The following C22orf39 variants were observed in gnomAD, a reference collection of about 807,000 sequenced individuals.
C22orf39 encodes chromosome 22 open reading frame 39.
C22orf39 carries 20 observed loss-of-function variants against 18.3 expected under a neutral mutation model. The ratio of observed to expected loss-of-function variants is 1.09; its 90% confidence interval spans 0.77 to 1.59. C22orf39 has a LOEUF of 1.59. Among genes scored for constraint, C22orf39 ranks in the 40% most tolerant of loss-of-function variants. The pLI, the probability that C22orf39 is intolerant of heterozygous loss-of-function variation, is 0.00. For synonymous variants in C22orf39, 63 were observed against 59.6 expected (o/e 1.06, Z -0.26); for missense variants, 195 against 156.1 (o/e 1.25, Z -1.33).
chr22:19,445,926 G>A (rs1391976366), intron 2 of C22orf39, among the ~76,000 whole-genome samples: 1 of 151,990 alleles, frequency 6.6e-6, no homozygotes, highest in Non-Finnish European at 1.5e-5. Context: ...TGCCCACCTC[G>A]GCCTCCCAAA....
intron 2 of C22orf39, among the ~76,000 whole-genome samples, chr22:19,446,682 G>C (rs550319112): frequency 6.6e-6 from 1 of 152,296 alleles, no homozygotes; most frequent in East Asian, 1.9e-4. Flanking sequence ...CTAGCAAACA[G>C]ATTGAACTTC....
rs1364025444 is a variant in C22orf39 at position 19,447,516 on chromosome 22, G to C, written c.54C>G (p.Ala18=). Residue 18 remains alanine, a synonymous_variant, in exon 2 of 3, where the codon GCC becomes GCG. Coordinates refer to ENST00000399562, the MANE Select transcript of C22orf39 (RefSeq NM_173793.5). ...TGGCGCTGCGGCAGAGCTTCCACTC[G>C]GCGCGGTAGGCCTCGCAGGGGCGCG... ...QPPRPCEAYR[A]EWKLCRSARH... The C allele has an allele frequency of 6.7e-7, 1 of 1,482,942 alleles. No homozygotes were observed. Among genetic ancestry groups the C allele is most frequent in the South Asian group, 1.3e-5 (1 of 76,510 alleles). 91.9% of individuals were successfully genotyped at this position (1,482,942 alleles called of 1,614,324 possible). A position where few individuals can be genotyped will look rare whatever the true frequency, so the allele number is the denominator to read the frequency against.
At chr22:19,444,518 G>A (rs972673068) in intron 2 of C22orf39, 128 bp from the exon 3 acceptor site, 7 of 899,308 alleles carry the variant, frequency 7.8e-6, no homozygotes, top group Non-Finnish European at 1.1e-5. Context: ...CCACTCTGCA[G>A]CACAGCTGCT....
chr22:19,447,013 G>A (rs898711183), intron 2 of C22orf39, among the ~76,000 whole-genome samples: 11 of 152,098 alleles, frequency 7.2e-5, no homozygotes, highest in Non-Finnish European at 1.5e-4. Flanking sequence ...CAGGAACCCA[G>A]GCCTTATCTG....
rs763145981 is a variant in C22orf39 at position 19,444,436 on chromosome 22, C to G, written c.193-46G>C. ...TCACTCCCCAGGCTCTGAGCACCCTCAAGACCCCTGTACCTCCCCCCTCTC... is the reference window on the plus strand; with the variant it reads ...TCACTCCCCAGGCTCTGAGCACCCTGAAGACCCCTGTACCTCCCCCCTCTC... On this transcript the variant is annotated intron_variant, in intron 2 of 2. Coordinates refer to ENST00000399562, the MANE Select transcript of C22orf39 (RefSeq NM_173793.5). 12 of 1,574,618 alleles carry G rather than the reference C, an allele frequency of 7.6e-6. No individual in the cohort carries two copies. The East Asian group carries it at 1.2e-4, about 15-fold the overall frequency.
intron 2 of C22orf39, among the ~76,000 whole-genome samples, chr22:19,445,971 G>C (rs1569322684): frequency 6.6e-6 from 1 of 152,076 alleles, no homozygotes; most frequent in Non-Finnish European, 1.5e-5. Flanking sequence ...ACCATGCCCA[G>C]GCTTTTCTCC....
chr22:19,443,046 A>T lies in C22orf39; in HGVS notation c.*1219T>A. ...GATGGGGGAACGCTGGCTCCTCTTT[A>T]GATGCTCCTGCTCTTGGGATCCCGT... On this transcript the variant is annotated 3_prime_UTR_variant, in exon 3 of 3. Coordinates refer to ENST00000399562, the MANE Select transcript of C22orf39 (RefSeq NM_173793.5). The T allele has an allele frequency of 1.2e-6, 1 of 805,682 alleles. No homozygotes were observed. The highest frequency in any genetic ancestry group is 1.5e-6 in the Non-Finnish European group (1 of 666,468). 49.9% of individuals were successfully genotyped at this position (805,682 alleles called of 1,614,324 possible). A position where few individuals can be genotyped will look rare whatever the true frequency, so the allele number is the denominator to read the frequency against.
Position 19,441,317 on chromosome 22 carries a change from T to G in C22orf39, c.*2948A>C, listed in dbSNP as rs767609103. ...TCCTGCTACATGTATGTTTTCAAGA[T>G]TGGCTGTTTTTGCTCTGAAGAATTT... is the stretch of plus-strand genomic sequence containing the variant. On this transcript the variant is annotated 3_prime_UTR_variant, in exon 3 of 3. Coordinates refer to ENST00000399562, the MANE Select transcript of C22orf39 (RefSeq NM_173793.5). The G allele has an allele frequency of 2.4e-4, 64 of 265,872 alleles. No homozygotes were observed. Among genetic ancestry groups the G allele is most frequent in the Non-Finnish European group, 1.4e-4 (20 of 142,638 alleles). The allele number at this position is 265,872 out of a possible 1,614,324, so 16.5% of individuals were successfully genotyped here.
At chr22:19,444,790 G>A (rs565912133) in intron 2 of C22orf39, among the ~76,000 whole-genome samples, 1 of 152,158 alleles carries the variant, frequency 6.6e-6, no homozygotes, top group South Asian at 2.1e-4. Context: ...GGGAGCTGCA[G>A]GGAGGAGTGT....
In C22orf39 at chr22:19,446,229, C is replaced by G. The variant is rs565308525; in HGVS notation, c.192+1149G>C. ...TATAACAGCTCTTTATACACACACA[C>G]GCACATATATATACATTAAAGTTAT... On this transcript the variant is annotated intron_variant, in intron 2 of 2. Coordinates refer to ENST00000399562, the MANE Select transcript of C22orf39 (RefSeq NM_173793.5). Among the ~76,000 whole-genome samples the G allele has an allele frequency of 2.0e-5, 3 of 152,260 alleles. No individual in the cohort carries two copies. In the South Asian group the frequency reaches 6.2e-4, roughly 32 times the overall value.
At position 19,441,858 on chromosome 22, in the gene C22orf39, A is replaced by G; in HGVS notation, c.*2407T>C. On this transcript the variant is annotated 3_prime_UTR_variant, in exon 3 of 3. Coordinates refer to ENST00000399562, the MANE Select transcript of C22orf39 (RefSeq NM_173793.5). The stretch of plus-strand genomic sequence containing the variant: ...CCCAGGTTGAAGTGCAGTGGGGCAC[A>G]ATCATGGCTCACTGCAGCCTCAAAC... 3.6e-6 allele frequency: 3 copies of G among 841,244 alleles called. No individual in the cohort carries two copies. Among genetic ancestry groups the G allele is most frequent in the Non-Finnish European group, 5.3e-6 (3 of 565,668 alleles). The allele number at this position is 841,244 out of a possible 1,614,324, so 52.1% of individuals were successfully genotyped here. A position where few individuals can be genotyped will look rare whatever the true frequency, so the allele number is the denominator to read the frequency against.
At position 19,443,830 on chromosome 22, in the gene C22orf39, G is replaced by A. The variant is rs772409105; in HGVS notation, c.*435C>T. 3.7e-5 allele frequency: 36 copies of A among 985,920 alleles called. No homozygotes were observed. Among genetic ancestry groups the A allele is most frequent in the Admixed American group, 6.2e-5 (1 of 16,170 alleles). The allele number at this position is 985,920 out of a possible 1,614,324, so 61.1% of individuals were successfully genotyped here. A position where few individuals can be genotyped will look rare whatever the true frequency, so the allele number is the denominator to read the frequency against. ...GCTCACCAAACCTGGGACGTGGCAG[G>A]CAGTTTCCCAAGGACTAGGAAAGAC... On this transcript the variant is annotated 3_prime_UTR_variant, in exon 3 of 3. Coordinates refer to ENST00000399562, the MANE Select transcript of C22orf39 (RefSeq NM_173793.5).
chr22:19,444,314 C>T lies in C22orf39; in HGVS notation c.269G>A (p.Ser90Asn). ...AGGGAGATGCCAGTCTGGAGGGGGG[C>T]TCTGCCTCGGGGCCCACACCAGGAT... Reference protein sequence around the residue: ...KHILVWAPRQSPPPDWHLPLP... With the variant: ...KHILVWAPRQNPPPDWHLPLP... Residue 90 changes from serine to asparagine, a missense_variant, in exon 3 of 3, where the codon AGC (serine) becomes AAC (asparagine). Coordinates refer to ENST00000399562, the MANE Select transcript of C22orf39 (RefSeq NM_173793.5). 6.2e-7 allele frequency: 1 copy of T among 1,601,408 alleles called. No homozygotes were observed. The highest frequency in any genetic ancestry group is 8.5e-7 in the Non-Finnish European group (1 of 1,175,514).
At position 19,443,651 on chromosome 22, in the gene C22orf39, T is replaced by C. The variant is rs2089625250; in HGVS notation, c.*614A>G. The C allele has an allele frequency of 1.0e-6, 1 of 985,174 alleles. No individual in the cohort carries two copies. The highest frequency in any genetic ancestry group is 1.7e-5 in the African/African-American group (1 of 57,148). The allele number at this position is 985,174 out of a possible 1,614,324, so 61.0% of individuals were successfully genotyped here. The stretch of plus-strand genomic sequence containing the variant: ...GTTGTGTGTTCTGTAGCTGTGTGCA[T>C]TTCTTAAAAACCAGAGTCTCCAGGG... On this transcript the variant is annotated 3_prime_UTR_variant, in exon 3 of 3. Coordinates refer to ENST00000399562, the MANE Select transcript of C22orf39 (RefSeq NM_173793.5).
At chr22:19,444,715 C>T (rs144409062) in intron 2 of C22orf39, among the ~76,000 whole-genome samples, 3 of 152,296 alleles carry the variant, frequency 2.0e-5, no homozygotes, top group East Asian at 3.9e-4. Flanking sequence ...GGCATATTCA[C>T]CTGCTGAGAG....
In C22orf39 at chr22:19,447,538, CGCGGCG is replaced by C; in HGVS notation, c.26_31del (p.Pro9_Pro10del). 6.9e-7 allele frequency: 1 copy of C among 1,440,410 alleles called. No individual in the cohort carries two copies. Among genetic ancestry groups the C allele is most frequent in the African/African-American group, 1.5e-5 (1 of 67,470 alleles). 89.2% of individuals were successfully genotyped at this position (1,440,410 alleles called of 1,614,324 possible). A position where few individuals can be genotyped will look rare whatever the true frequency, so the allele number is the denominator to read the frequency against. On this transcript the variant is annotated inframe_deletion and splice_region_variant, in exon 2 of 3. Coordinates refer to ENST00000399562, the MANE Select transcript of C22orf39 (RefSeq NM_173793.5). ...CTCGGCGCGGTAGGCCTCGCAGGGGCGCGGCGGCTGCGGCGAGAGGCGGCGCCTGAG... is the reference window on the plus strand; with the variant it reads ...CTCGGCGCGGTAGGCCTCGCAGGGGCGCTGCGGCGAGAGGCGGCGCCTGAG...
In C22orf39 at chr22:19,441,646, A is replaced by G. The variant is rs1360914429; in HGVS notation, c.*2619T>C. ...TATCCTCAAGTGATTCTTCTGCCTC[A>G]GCCTCCCAAGTAGCTGAGATTACAG... On this transcript the variant is annotated 3_prime_UTR_variant, in exon 3 of 3. Transcript: ENST00000399562. The G allele has an allele frequency of 7.1e-7, 1 of 1,407,446 alleles. No individual in the cohort carries two copies. The highest frequency in any genetic ancestry group is 1.2e-5 in the South Asian group (1 of 81,062). 87.2% of individuals were successfully genotyped at this position (1,407,446 alleles called of 1,614,324 possible).
chr22:19,447,630 C>G (rs751225137), intron 1 of C22orf39, 35 bp downstream of exon 1: 8 of 1,605,884 alleles, frequency 5.0e-6, no homozygotes, highest in East Asian at 2.3e-5. Flanking sequence ...TCCGGAAGAC[C>G]CCGGTGGTTC....
chr22:19,444,267 A>C lies in C22orf39; in HGVS notation c.316T>G (p.Ter106GlyextTer36). ...CAGGCCAATGGCAGGGATGCTTGTC[A>C]CTCGTCCTTCTCCTGTGGCAGAGGG... ...HLPLPQEKDE[*>G] Residue 106 changes from the stop codon to glycine, a stop_lost, in exon 3 of 3, where the codon TGA (stop) becomes GGA (glycine). Coordinates refer to ENST00000399562, the MANE Select transcript of C22orf39 (RefSeq NM_173793.5). The C allele has an allele frequency of 6.3e-7, 1 of 1,580,806 alleles. No individual in the cohort carries two copies. Among genetic ancestry groups the C allele is most frequent in the Non-Finnish European group, 8.6e-7 (1 of 1,168,322 alleles).
Sources: allele counts gnomAD v4.1 joint callset (sites outside exome capture counted in the v4.1 genomes callset), GRCh38; gene constraint gnomAD v4.1.1; transcripts MANE v1.5; gene names NCBI Gene and HGNC (gene_info 2026-07-23, HGNC 2026-07-21).